Variants in CFAP91 observed in about 807,000 individuals in gnomAD.
CFAP91 encodes cilia and flagella associated protein 91.
Under a neutral mutation model 95.9 loss-of-function variants are expected in CFAP91, and 85 were observed. The ratio of observed to expected loss-of-function variants is 0.89; its 90% confidence interval spans 0.74 to 1.06. The LOEUF is 1.06. Among genes scored for constraint, CFAP91 ranks in the 50% least tolerant of loss-of-function variants. CFAP91 has a pLI of 0.00. For synonymous variants in CFAP91, 335 were observed against 327.5 expected (o/e 1.02, Z -0.25); for missense variants, 962 against 943.4 (o/e 1.02, Z -0.26).
chr3:119,760,896 A>G (rs911426508), intron 17 of CFAP91, among the ~76,000 whole-genome samples: 1 of 151,882 alleles, frequency 6.6e-6, no homozygotes, highest in Non-Finnish European at 1.5e-5. Context: ...GGAAATTTAT[A>G]GCAATATGTG....
chr3:119,742,952 C>G (rs2054148176), intron 13 of CFAP91, among the ~76,000 whole-genome samples: 2 of 152,074 alleles, frequency 1.3e-5, no homozygotes, highest in African/African-American at 2.4e-5. Context: ...CCCTTACAAG[C>G]AAGGATAGGA....
intron 11 of CFAP91, among the ~76,000 whole-genome samples, chr3:119,738,330 G>GTTT (rs1559761130): frequency 1.4e-3 from 34 of 23,704 alleles, no homozygotes; most frequent in Admixed American, 1.9e-3. Context: ...TTGACATATT[G>GTTT]TCTTTTTTTT....
In CFAP91 at chr3:119,726,421, C is replaced by T. The variant is rs116774784; in HGVS notation, c.860+73C>T. Reference sequence around the variant, plus strand: ...ATGTTAATACTTTATATCTGCAAAGCATTCTCCCAAATGTATGGGTTGAAA... The same window carrying T: ...ATGTTAATACTTTATATCTGCAAAGTATTCTCCCAAATGTATGGGTTGAAA... On this transcript the variant is annotated intron_variant, in intron 7 of 17. Coordinates refer to ENST00000273390, the MANE Select transcript of CFAP91 (RefSeq NM_033364.4). 13,592 of 1,371,876 alleles carry T rather than the reference C, an allele frequency of 9.9e-3. 115 individuals carry two copies. Among genetic ancestry groups the T allele is most frequent in the South Asian group, 0.027 (1,812 of 66,144 alleles). The allele number at this position is 1,371,876 out of a possible 1,614,324, so 85.0% of individuals were successfully genotyped here. A position where few individuals can be genotyped will look rare whatever the true frequency, so the allele number is the denominator to read the frequency against.
intron 6 of CFAP91, 69 bp downstream of exon 6, chr3:119,715,812 C>A: frequency 7.2e-7 from 1 of 1,396,960 alleles, no homozygotes; most frequent in Non-Finnish European, 1.0e-6. Context: ...GTTCAAATGG[C>A]CCATGTACAG....
chr3:119,754,559 C>T (rs951640746), intron 17 of CFAP91, among the ~76,000 whole-genome samples: 6 of 152,136 alleles, frequency 3.9e-5, no homozygotes, highest in African/African-American at 1.4e-4. Flanking sequence ...TTAAGGAAGC[C>T]TATTGATTGG....
intron 17 of CFAP91, among the ~76,000 whole-genome samples, chr3:119,757,064 A>G (rs1187556884): frequency 6.6e-6 from 1 of 152,222 alleles, no homozygotes; most frequent in East Asian, 1.9e-4. Context: ...AAAAGATACC[A>G]TAAAAACACC....
intron 5 of CFAP91, among the ~76,000 whole-genome samples, chr3:119,712,428 T>C (rs542753147): frequency 6.6e-6 from 1 of 152,306 alleles, no homozygotes; most frequent in East Asian, 1.9e-4. Context: ...AAATGTGTAA[T>C]TATTTAATTT....
intron 6 of CFAP91, among the ~76,000 whole-genome samples, chr3:119,720,145 T>C (rs569414515): frequency 1.6e-4 from 24 of 151,258 alleles, no homozygotes; most frequent in African/African-American, 5.3e-4. Flanking sequence ...TCCCAGCATT[T>C]TGGGAGGCTG....
At chr3:119,737,196 T>C (rs1231007571) in intron 10 of CFAP91, among the ~76,000 whole-genome samples, 170 bp from the exon 11 acceptor site, 1 of 152,194 alleles carries the variant, frequency 6.6e-6, no homozygotes, top group African/African-American at 2.4e-5. Flanking sequence ...CTAGATCTGG[T>C]AATGAAGGAA....
At chr3:119,764,161 A>G (rs966212665) in intron 17 of CFAP91, among the ~76,000 whole-genome samples, 1 of 152,106 alleles carries the variant, frequency 6.6e-6, no homozygotes, top group Non-Finnish European at 1.5e-5. Flanking sequence ...AGTAAGTCAA[A>G]GTAAAATGGA....
At chr3:119,763,812 G>A (rs1486552144) in intron 17 of CFAP91, among the ~76,000 whole-genome samples, 1 of 152,114 alleles carries the variant, frequency 6.6e-6, no homozygotes, top group Non-Finnish European at 1.5e-5. Context: ...TAGAAGTAAA[G>A]AGTAGAATGT....
rs1400417533 is a variant in CFAP91 at position 119,715,348 on chromosome 3, A to C, written c.501-214A>C. 8.8e-6 allele frequency: 6 copies of C among 680,730 alleles called. No homozygotes were observed. In the East Asian group the frequency reaches 1.7e-4, roughly 19 times the overall value. The allele number at this position is 680,730 out of a possible 1,614,324, so 42.2% of individuals were successfully genotyped here. A position where few individuals can be genotyped will look rare whatever the true frequency, so the allele number is the denominator to read the frequency against. On this transcript the variant is annotated intron_variant, in intron 5 of 17. Coordinates refer to ENST00000273390, the MANE Select transcript of CFAP91 (RefSeq NM_033364.4). ...TGGGTCAACCATGGTACTTTGACCC[A>C]CTTAGTTTCCTGGCAGAGGTGAGAA...
Position 119,720,376 on chromosome 3 carries a change from G to C in CFAP91, c.682+4633G>C, listed in dbSNP as rs186815287. Among the ~76,000 whole-genome samples the C allele has an allele frequency of 5.2e-3, 739 of 143,194 alleles. 6 individuals carry two copies. The highest frequency in any genetic ancestry group is 0.018 in the African/African-American group (697 of 39,650). 93.9% of individuals were successfully genotyped at this position (143,194 alleles called of 152,430 possible). A position where few individuals can be genotyped will look rare whatever the true frequency, so the allele number is the denominator to read the frequency against. On this transcript the variant is annotated intron_variant, in intron 6 of 17. Transcript: ENST00000273390. ...GATGCCACTGCACTCCAGCCTGGGC[G>C]ACAGAGCAAGACTCTGTCTCAAAAA...
chr3:119,761,476 T>G (rs762958466), intron 17 of CFAP91, among the ~76,000 whole-genome samples: 5 of 151,874 alleles, frequency 3.3e-5, no homozygotes, highest in Non-Finnish European at 7.4e-5. Context: ...GAGGGAATAC[T>G]TCCAAACTCA....
At chr3:119,726,829 A>G (rs373969751) in intron 7 of CFAP91, among the ~76,000 whole-genome samples, 1 of 105,734 alleles carries the variant, frequency 9.5e-6, no homozygotes, top group Non-Finnish European at 1.8e-5. Context: ...CCCCACCCCG[A>G]CCCAAGACAC....
rs1279371732 is a variant in CFAP91 at position 119,709,832 on chromosome 3, C to G, written c.444-7C>G. On this transcript the variant is annotated splice_region_variant and splice_polypyrimidine_tract_variant and intron_variant, in intron 4 of 17. Transcript: ENST00000273390. ...CCCACACATTTATGTTTTCTTTTTCCTCCCAGGCCTTTTCTCCCATTTTTT... is the reference window on the plus strand; with the variant it reads ...CCCACACATTTATGTTTTCTTTTTCGTCCCAGGCCTTTTCTCCCATTTTTT... 6.2e-7 allele frequency: 1 copy of G among 1,607,806 alleles called. No individual in the cohort carries two copies.
intron 1 of CFAP91, among the ~76,000 whole-genome samples, chr3:119,705,246 G>A (rs1183049792): frequency 1.3e-5 from 2 of 152,250 alleles, no homozygotes; most frequent in Non-Finnish European, 2.9e-5. Flanking sequence ...AGAAATTTAA[G>A]ATTGGTTGTT....
intron 13 of CFAP91, among the ~76,000 whole-genome samples, chr3:119,741,843 C>T (rs746030150): frequency 1.3e-5 from 2 of 152,102 alleles, no homozygotes; most frequent in African/African-American, 2.4e-5. Context: ...GACAGCAGCA[C>T]CATGGATGTT....
chr3:119,732,309 T>C lies in CFAP91; in HGVS notation c.1034T>C (p.Val345Ala). ...RTHVSTIRKL[V>A]GKRKNIEGKL... ...TTTATTTCAGCAATCAGAAAACTTG[T>C]AGGAAAGAGAAAGAATATAGAAGGG... Residue 345 changes from valine to alanine, a missense_variant, in exon 9 of 18, where the codon GTA becomes GCA. By Grantham distance (64) the Val-to-Ala change is moderately conservative. Coordinates refer to ENST00000273390, the MANE Select transcript of CFAP91 (RefSeq NM_033364.4). 1 of 1,600,546 alleles carries C rather than the reference T, an allele frequency of 6.2e-7. No individual in the cohort carries two copies. The highest frequency in any genetic ancestry group is 1.1e-5 in the South Asian group (1 of 88,834).
Sources: gnomAD v4.1 joint callset for allele counts (sites outside exome capture counted in the v4.1 genomes callset) on GRCh38, gnomAD v4.1.1 for gene constraint, MANE v1.5 for transcripts, NCBI Gene and HGNC (gene_info 2026-07-23, HGNC 2026-07-21) for gene names.